ZYG11B: variants seen among roughly 807,000 people sequenced by gnomAD.
ZYG11B encodes the protein protein zyg-11 homolog B.
ZYG11B carries 36 observed loss-of-function variants against 82.4 expected under a neutral mutation model. The observed-to-expected ratio is 0.44, with a 90% CI of 0.33 to 0.58. ZYG11B has a LOEUF of 0.58. ZYG11B is among the 20% of genes least tolerant of loss of function. The pLI, the probability that ZYG11B is intolerant of heterozygous loss-of-function variation, is 0.02. For synonymous variants in ZYG11B, 303 were observed against 312.8 expected, an observed-to-expected ratio of 0.97 and a Z score of 0.33; for missense variants, 552 against 895.6, an observed-to-expected ratio of 0.62 and a Z score of 4.90.
At position 52,789,579 on chromosome 1, in the gene ZYG11B, A is replaced by G. The variant is rs776585904; in HGVS notation, c.1270-424A>G. Among the ~76,000 whole-genome samples the G allele has an allele frequency of 1.1e-4, 17 of 152,146 alleles. No homozygotes were observed. In the South Asian group the frequency reaches 1.4e-3, roughly 13 times the overall value. ...GAGCCAAGTCTGTCAGTCACTCTTT[A>G]GAGGCCAGTGTGTAGAACACTACCC... On this transcript the variant is annotated intron_variant, in intron 5 of 13. Coordinates refer to ENST00000294353, the MANE Select transcript of ZYG11B (RefSeq NM_024646.3).
intron 1 of ZYG11B, among the ~76,000 whole-genome samples, chr1:52,747,204 TATACTAG>T (rs1342623104): frequency 6.6e-6 from 1 of 152,162 alleles, no homozygotes; most frequent in African/African-American, 2.4e-5. Context: ...TGCCAGATGT[TATACTAG>T]GTTCTAGGTA....
Position 52,793,901 on chromosome 1 carries a change from T to TTCCTTCCTTCC in ZYG11B, c.1335-2390_1335-2389insCCTTCCTTCCT, listed in dbSNP as rs10660798. On this transcript the variant is annotated intron_variant, in intron 6 of 13. Coordinates refer to ENST00000294353, the MANE Select transcript of ZYG11B (RefSeq NM_024646.3). Reference sequence around the variant, plus strand: ...CTTCCTTCCTTCCTTCCTTCCTTCCTTTCTTTCCTTTCTTTCCTTTCTTAG... The same window carrying TTCCTTCCTTCC: ...CTTCCTTCCTTCCTTCCTTCCTTCCTTCCTTCCTTCCTTCTTTCCTTTCTTTCCTTTCTTAG... Among the ~76,000 whole-genome samples the TTCCTTCCTTCC allele has an allele frequency of 7.3e-3, 829 of 112,990 alleles. 6 individuals carry two copies. In the Middle Eastern group the frequency reaches 0.12, roughly 16 times the overall value. 74.1% of individuals were successfully genotyped at this position (112,990 alleles called of 152,430 possible).
At chr1:52,770,184 TG>T (rs1037082796) in intron 2 of ZYG11B, among the ~76,000 whole-genome samples, 1 of 150,742 alleles carries the variant, frequency 6.6e-6, no homozygotes, top group African/African-American at 2.4e-5. Context: ...CACAAACTCC[TG>T]GGCTCAAATG....
chr1:52,792,878 T>C (rs1644971231), intron 6 of ZYG11B, among the ~76,000 whole-genome samples: 1 of 152,208 alleles, frequency 6.6e-6, no homozygotes, highest in Non-Finnish European at 1.5e-5. Flanking sequence ...TTCGCTCTTG[T>C]TGCCCAGGCT....
chr1:52,779,860 G>A lies in ZYG11B; in HGVS notation c.959G>A (p.Gly320Glu). The A allele has an allele frequency of 6.2e-7, 1 of 1,613,864 alleles. No homozygotes were observed. Among genetic ancestry groups the A allele is most frequent in the Non-Finnish European group, 8.5e-7 (1 of 1,179,964 alleles). The change falls in exon 4 of 14, where the codon GGG becomes GAG. Residue 320 changes from glycine to glutamate, a missense_variant. Around this residue, in one of 3 missense-constraint regions of ZYG11B, gnomAD observed 359 missense variants for 555.8 expected, o/e 0.65. Coordinates refer to ENST00000294353, the MANE Select transcript of ZYG11B (RefSeq NM_024646.3). ...ATCTGGTTATGTTCACAGGTGTCTG[G>A]GGAAGCCAATGAAACTCAGATTGCA... is the stretch of plus-strand genomic sequence containing the variant. ...LTGEGHLKVS[G>E]EANETQIAEA...
At chr1:52,750,226 A>C (rs2149926260) in intron 1 of ZYG11B, among the ~76,000 whole-genome samples, 1 of 150,580 alleles carries the variant, frequency 6.6e-6, no homozygotes, top group East Asian at 2.0e-4. Context: ...GCCTCCCAAA[A>C]TGCTGGGCTT....
At chr1:52,800,737 G>A (rs1420059824) in intron 8 of ZYG11B, among the ~76,000 whole-genome samples, 7 of 152,046 alleles carry the variant, frequency 4.6e-5, no homozygotes, top group Admixed American at 4.6e-4. Flanking sequence ...GAACCCCGGG[G>A]GGGTGGAGGT....
intron 1 of ZYG11B, among the ~76,000 whole-genome samples, chr1:52,751,967 T>G (rs1461824667): frequency 1.3e-5 from 2 of 150,528 alleles, no homozygotes; most frequent in African/African-American, 2.4e-5. Context: ...GATGTGTGGT[T>G]TTTTTTTTTC....
At chr1:52,761,111 T>A (rs896160278) in intron 2 of ZYG11B, among the ~76,000 whole-genome samples, 1 of 152,162 alleles carries the variant, frequency 6.6e-6, no homozygotes, top group Non-Finnish European at 1.5e-5. Context: ...ATCTATGGGG[T>A]ATGTCATGAT....
rs1558140151 is a variant in ZYG11B, at chr1:52,803,129, TATATAC to T, written c.1695+992_1695+997del. On this transcript the variant is annotated intron_variant, in intron 10 of 13. Transcript: ENST00000294353. ...ATATATATATATATACACACATATA[TATATAC>T]ACACATATATATATATATACACATA... is the stretch of plus-strand genomic sequence containing the variant. 1.2e-3 allele frequency among the ~76,000 whole-genome samples: 89 copies of T among 76,878 alleles called. 4 individuals carry two copies. The highest frequency in any genetic ancestry group is 2.8e-3 in the East Asian group (4 of 1,450). The allele number at this position is 76,878 out of a possible 152,430, so 50.4% of individuals were successfully genotyped here.
chr1:52,794,142 T>G (rs1644987056), intron 6 of ZYG11B, among the ~76,000 whole-genome samples: 1 of 152,000 alleles, frequency 6.6e-6, no homozygotes, highest in Admixed American at 6.6e-5. Flanking sequence ...ACCCAGCTAA[T>G]TTTTTGTATT....
Position 52,814,061 on chromosome 1 carries a change from G to A in ZYG11B, c.1946+149G>A, listed in dbSNP as rs182747868. On this transcript the variant is annotated intron_variant, in intron 12 of 13. Transcript: ENST00000294353. The stretch of plus-strand genomic sequence containing the variant: ...TTTTGAGACAGAGTTTCACTCCGTC[G>A]CCATGGCTGGAGTGCAGTGCATGAT... 3.5e-3 allele frequency: 2,704 copies of A among 771,534 alleles called. 11 individuals carry two copies. The highest frequency in any genetic ancestry group is 4.7e-3 in the Non-Finnish European group (2,242 of 481,678). 47.8% of individuals were successfully genotyped at this position (771,534 alleles called of 1,614,324 possible).
At chr1:52,755,213 G>A (rs1450230287) in intron 1 of ZYG11B, among the ~76,000 whole-genome samples, 4 of 151,846 alleles carry the variant, frequency 2.6e-5, no homozygotes, top group Non-Finnish European at 2.9e-5. Context: ...CGCCCACCTC[G>A]GCCTCCCAAA....
At chr1:52,742,204 C>A (rs1644436349) in intron 1 of ZYG11B, among the ~76,000 whole-genome samples, 2 of 152,060 alleles carry the variant, frequency 1.3e-5, no homozygotes, top group South Asian at 4.2e-4. Context: ...ACGCCTATTA[C>A]CCCAGCACTT....
rs1366837562 is a variant in ZYG11B, at chr1:52,797,856, AC to A, written c.1485+1075del. On this transcript the variant is annotated intron_variant, in intron 8 of 13. Transcript: ENST00000294353. ...ATTTTTTGTGGCTAGGCATGCGGTG[AC>A]CCACACCTGTAATCCCAGCACTTTG... 3.3e-5 allele frequency among the ~76,000 whole-genome samples: 5 copies of A among 150,486 alleles called. No homozygotes were observed. In the East Asian group the frequency reaches 1.0e-3, roughly 31 times the overall value.
intron 10 of ZYG11B, among the ~76,000 whole-genome samples, chr1:52,806,327 T>C (rs1197552937): frequency 6.6e-6 from 1 of 152,194 alleles, no homozygotes; most frequent in Non-Finnish European, 1.5e-5. Flanking sequence ...ATAATTAGAT[T>C]GTACAGTGTC....
At chr1:52,807,365 A>G (rs1311574201) in intron 10 of ZYG11B, among the ~76,000 whole-genome samples, 1 of 152,102 alleles carries the variant, frequency 6.6e-6, no homozygotes, top group Non-Finnish European at 1.5e-5. Flanking sequence ...TAACATATCC[A>G]TGACCTTACA....
At chr1:52,766,117 TA>T (rs1553259444) in intron 2 of ZYG11B, among the ~76,000 whole-genome samples, 1 of 148,472 alleles carries the variant, frequency 6.7e-6, no homozygotes, top group Non-Finnish European at 1.5e-5. Context: ...AAATTTTTTT[TA>T]AATTTTTTTT....
At chr1:52,732,036 C>T (rs916097401) in intron 1 of ZYG11B, among the ~76,000 whole-genome samples, 1 of 152,216 alleles carries the variant, frequency 6.6e-6, no homozygotes, top group East Asian at 1.9e-4. Flanking sequence ...CTCCTGGACT[C>T]ACGTGATCTG....
Sources: allele counts gnomAD v4.1 joint callset (sites outside exome capture counted in the v4.1 genomes callset), GRCh38; gene constraint gnomAD v4.1.1; regional missense constraint gnomAD v4.1.1; transcripts MANE v1.5; gene names NCBI Gene and HGNC (gene_info 2026-07-23, HGNC 2026-07-21).